The following ZMAT4 variants were observed in gnomAD, a reference collection of about 807,000 sequenced individuals.
ZMAT4 encodes zinc finger matrin-type 4, also known as zinc finger matrin-type protein 4.
Under a neutral mutation model 28.7 loss-of-function variants are expected in ZMAT4, and 17 were observed. The ratio of observed to expected loss-of-function variants is 0.59; its 90% CI spans 0.41 to 0.89. The LOEUF (loss-of-function observed/expected upper bound fraction) is 0.89, where lower values mean the gene tolerates loss of function less well. Ranked by LOEUF, ZMAT4 falls within the 40% of genes least tolerant of loss-of-function variation. The pLI, the probability that ZMAT4 is intolerant of heterozygous loss-of-function variation, is 0.00. For missense variants in ZMAT4, 240 were observed against 283.8 expected (o/e 0.85, Z 1.11); for synonymous variants, 117 against 109.2 (o/e 1.07, Z -0.44).
intron 5 of ZMAT4, among the ~76,000 whole-genome samples, chr8:40,590,287 C>A (rs1479323093): frequency 6.6e-6 from 1 of 151,714 alleles, no homozygotes; most frequent in Non-Finnish European, 1.5e-5. Flanking sequence ...CCACCTTAGC[C>A]TCCCAAAGTG....
intron 1 of ZMAT4, among the ~76,000 whole-genome samples, chr8:40,856,865 T>C (rs78612409): frequency 0.05 from 7,680 of 152,186 alleles, 345 homozygotes; most frequent in East Asian, 0.24. Flanking sequence ...AGGAGCCCCG[T>C]GGATGAACCC....
intron 5 of ZMAT4, among the ~76,000 whole-genome samples, chr8:40,632,144 T>C (rs563934106): frequency 6.6e-6 from 1 of 152,188 alleles, no homozygotes; most frequent in East Asian, 1.9e-4. Flanking sequence ...GGGCTGAGAA[T>C]TCCTGGGGTG....
At chr8:40,779,538 A>G (rs1356266653) in intron 2 of ZMAT4, among the ~76,000 whole-genome samples, 1 of 152,178 alleles carries the variant, frequency 6.6e-6, no homozygotes, top group Non-Finnish European at 1.5e-5. Flanking sequence ...AAACTGCAAG[A>G]GTCCTTTCCT....
chr8:40,700,273 GA>G lies in ZMAT4; in HGVS notation c.193-2873del, dbSNP rs764534332. Among the ~76,000 whole-genome samples the G allele has an allele frequency of 1.3e-4, 20 of 151,986 alleles. 1 individual carries two copies. Among genetic ancestry groups the G allele is most frequent in the Non-Finnish European group, 2.6e-4 (18 of 67,998 alleles). The stretch of plus-strand genomic sequence containing the variant: ...AAAAAAAAACATTAATGTAAATCAG[GA>G]CTGTGTGGGTTTTCATCTTTAAGCC... On this transcript the variant is annotated intron_variant, in intron 3 of 6. Transcript: ENST00000297737.
At chr8:40,773,114 A>G (rs180675668) in intron 2 of ZMAT4, among the ~76,000 whole-genome samples, 273 of 152,332 alleles carry the variant, frequency 1.8e-3, no homozygotes, top group Non-Finnish European at 2.5e-3. Context: ...GATTCCCTCT[A>G]ACGAATGGAA....
intron 1 of ZMAT4, among the ~76,000 whole-genome samples, chr8:40,882,634 C>T (rs1346209428): frequency 6.6e-6 from 1 of 152,186 alleles, no homozygotes; most frequent in African/African-American, 2.4e-5. Flanking sequence ...CGGCTTTTAT[C>T]ACTTGCCATA....
chr8:40,590,862 C>T (rs1004824609), intron 5 of ZMAT4, among the ~76,000 whole-genome samples: 10 of 152,048 alleles, frequency 6.6e-5, no homozygotes, highest in Non-Finnish European at 1.2e-4. Context: ...TAGATATTAA[C>T]GTTTGTCCCC....
intron 2 of ZMAT4, chr8:40,808,393 A>G (rs1815176137): frequency 6.4e-6 from 2 of 312,594 alleles, no homozygotes; most frequent in African/African-American, 2.2e-5. Flanking sequence ...ATTTGGAAAA[A>G]AAAAAGACAG....
In ZMAT4 at chr8:40,781,748, C is replaced by T. The variant is rs1178252084; in HGVS notation, c.103-14018G>A. 6.6e-4 allele frequency among the ~76,000 whole-genome samples: 64 copies of T among 97,434 alleles called. No homozygotes were observed. The Admixed American group carries it at 6.9e-3, about 11-fold the overall frequency. The allele number at this position is 97,434 out of a possible 152,430, so 63.9% of individuals were successfully genotyped here. A position where few individuals can be genotyped will look rare whatever the true frequency, so the allele number is the denominator to read the frequency against. ...CTGCACTCCAGCCTGGGCAACAGAG[C>T]GAGACTCCGTCTCAAAAAAAAAAAA... On this transcript the variant is annotated intron_variant, in intron 2 of 6. Transcript: ENST00000297737.
At chr8:40,647,017 G>A (rs1471806301) in intron 5 of ZMAT4, among the ~76,000 whole-genome samples, 8 of 152,172 alleles carry the variant, frequency 5.3e-5, no homozygotes, top group Admixed American at 4.6e-4. Flanking sequence ...TAACCATAAT[G>A]GAACAAAATT....
chr8:40,789,694 T>C (rs1586054533), intron 2 of ZMAT4, among the ~76,000 whole-genome samples: 1 of 152,184 alleles, frequency 6.6e-6, no homozygotes, highest in Non-Finnish European at 1.5e-5. Flanking sequence ...ACATACCTAC[T>C]GTGTACCCAC....
intron 1 of ZMAT4, among the ~76,000 whole-genome samples, chr8:40,853,054 T>C (rs576226306): frequency 2.0e-5 from 3 of 152,252 alleles, no homozygotes; most frequent in Non-Finnish European, 2.9e-5. Context: ...ATAGCCATGG[T>C]TTGTCTACCA....
At chr8:40,671,379 T>C (rs1386433275) in intron 5 of ZMAT4, among the ~76,000 whole-genome samples, 1 of 152,308 alleles carries the variant, frequency 6.6e-6, no homozygotes, top group African/African-American at 2.4e-5. Context: ...GTAATGTTCA[T>C]GAAAGCTTTA....
chr8:40,789,281 G>A (rs571308610), intron 2 of ZMAT4, among the ~76,000 whole-genome samples: 36 of 152,256 alleles, frequency 2.4e-4, no homozygotes, highest in South Asian at 4.1e-4. Context: ...TACGGCTAGC[G>A]TTGTACTTAA....
chr8:40,592,631 T>G (rs1173595876), intron 5 of ZMAT4, among the ~76,000 whole-genome samples: 6 of 152,188 alleles, frequency 3.9e-5, no homozygotes, highest in Non-Finnish European at 7.3e-5. Flanking sequence ...ATAAATTTAT[T>G]CTCAGTCATT....
At chr8:40,605,470 T>G (rs1264824612) in intron 5 of ZMAT4, among the ~76,000 whole-genome samples, 1 of 152,224 alleles carries the variant, frequency 6.6e-6, no homozygotes, top group African/African-American at 2.4e-5. Context: ...CTATTTAATT[T>G]TCATGTATTT....
chr8:40,552,448 T>G (rs1205337109), intron 6 of ZMAT4, among the ~76,000 whole-genome samples: 2 of 152,172 alleles, frequency 1.3e-5, no homozygotes, highest in African/African-American at 4.8e-5. Context: ...GTCCTCTCCC[T>G]CTTTCTCATA....
intron 5 of ZMAT4, among the ~76,000 whole-genome samples, chr8:40,627,802 A>C (rs1043737234): frequency 3.9e-5 from 6 of 152,184 alleles, no homozygotes; most frequent in Non-Finnish European, 8.8e-5. Context: ...AAGGCTTTCC[A>C]ACTGATATAG....
At chr8:40,778,632 T>G (rs959516421) in intron 2 of ZMAT4, among the ~76,000 whole-genome samples, 1 of 152,258 alleles carries the variant, frequency 6.6e-6, no homozygotes, top group Non-Finnish European at 1.5e-5. Flanking sequence ...AAAGCATATT[T>G]GATTATTCCA....
Sources: allele counts gnomAD v4.1 joint callset (sites outside exome capture counted in the v4.1 genomes callset), GRCh38; gene constraint gnomAD v4.1.1; transcripts MANE v1.5; gene names NCBI Gene and HGNC (gene_info 2026-07-23, HGNC 2026-07-21).